The following ITFG2 variants were observed in gnomAD, a reference collection of about 807,000 sequenced individuals.
ITFG2 encodes integrin alpha FG-GAP repeat containing 2.
In ITFG2, 36 loss-of-function variants were observed where a neutral mutation model predicts 54.4. That is an observed-to-expected ratio of 0.66 (90% confidence interval 0.51 to 0.87). The LOEUF (loss-of-function observed/expected upper bound fraction) is 0.87, where lower values mean the gene tolerates loss of function less well. Among genes scored for constraint, ITFG2 ranks in the 40% least tolerant of loss-of-function variants. The pLI is 0.00. For synonymous variants in ITFG2, 211 were observed against 225.4 expected (o/e 0.94, Z 0.57); for missense variants, 524 against 576.7 (o/e 0.91, Z 0.94).
intron 1 of ITFG2, among the ~76,000 whole-genome samples, chr12:2,837,671 A>T (rs535501372): frequency 1.3e-5 from 2 of 152,138 alleles, no homozygotes; most frequent in South Asian, 4.1e-4. Context: ...AACAAAACAA[A>T]ATTAAAAATT....
downstream of ITFG2, chr12:2,827,279 G>C (rs758577071): frequency 1.2e-6 from 2 of 1,613,824 alleles, no homozygotes; most frequent in African/African-American, 2.7e-5. This position sits in a 1 kb window ranked among gnomAD's most constrained non-coding sequence, Gnocchi z 4.0. Flanking sequence ...GCAGCACTCC[G>C]TGCTCCAGGT....
chr12:2,830,538 C>G (rs1459055562), intron 2 of ITFG2: 2 of 620,746 alleles, frequency 3.2e-6, no homozygotes, highest in East Asian at 3.1e-5. Flanking sequence ...GGAGACATGG[C>G]TTGGGGCAGG....
intron 3 of ITFG2, chr12:2,859,027 G>A: frequency 1.9e-6 from 3 of 1,611,082 alleles, no homozygotes; most frequent in Non-Finnish European, 2.5e-6. Context: ...CTGAAATCCA[G>A]TCCCCCTACT....
chr12:2,855,192 G>A (rs1344266885), intron 2 of ITFG2: 1 of 1,508,216 alleles, frequency 6.6e-7, no homozygotes, highest in Non-Finnish European at 8.9e-7. Flanking sequence ...CAGGCTGGGT[G>A]GGGAAGGTGG....
intron 3 of ITFG2, chr12:2,858,530 G>A: frequency 7.5e-6 from 7 of 928,528 alleles, no homozygotes; most frequent in Non-Finnish European, 1.1e-5. Context: ...GAGCTATGAG[G>A]AGCAGAACAG....
intron 3 of ITFG2, chr12:2,859,004 G>A (rs944297456): frequency 6.2e-7 from 1 of 1,612,982 alleles, no homozygotes; most frequent in African/African-American, 1.3e-5. Flanking sequence ...CACCCTGGGA[G>A]GTTTGTACTG....
intron 2 of ITFG2, among the ~76,000 whole-genome samples, chr12:2,854,178 A>C (rs1425912882): frequency 1.3e-5 from 2 of 151,968 alleles, no homozygotes; most frequent in Non-Finnish European, 1.5e-5. Flanking sequence ...GGCACCCATC[A>C]CCACACCCGG....
intron 2 of ITFG2, chr12:2,849,660 G>T: frequency 1.0e-6 from 1 of 973,052 alleles, no homozygotes; most frequent in Non-Finnish European, 1.5e-6. Context: ...AATCCCTTCT[G>T]TCTCTCCACC....
intron 1 of ITFG2, among the ~76,000 whole-genome samples, chr12:2,815,003 C>A (rs1256248473): frequency 2.0e-5 from 3 of 149,042 alleles, no homozygotes; most frequent in African/African-American, 7.4e-5. Flanking sequence ...GACGGAGTTT[C>A]ACTCTTATTG....
rs780179027 is a variant in ITFG2, at chr12:2,855,222, G to C, written n.301-2790G>C. 7.3e-5 allele frequency: 110 copies of C among 1,505,808 alleles called. 1 individual carries two copies. The highest frequency in any genetic ancestry group is 6.8e-4 in the Middle Eastern group (4 of 5,842). The allele number at this position is 1,505,808 out of a possible 1,614,324, so 93.3% of individuals were successfully genotyped here. ...AGGTGGCAGGCAGACGGCACACATC[G>C]AGCCACGTGTGAAAGCCCCAGGTGT... On this transcript the variant is annotated intron_variant and non_coding_transcript_variant, in intron 2 of 3. Transcript: ENST00000537710.
rs1323934707 is a variant in ITFG2 at position 2,817,298 on chromosome 12, A to T, written c.172A>T (p.Thr58Ser). The T allele has an allele frequency of 1.9e-6, 3 of 1,613,368 alleles. No homozygotes were observed. Among genetic ancestry groups the T allele is most frequent in the Non-Finnish European group, 2.5e-6 (3 of 1,179,594 alleles). ...AAATGATGACAGTCGGCCATGGCTCACCTGTTCCTGCCAGGGAATGGTCAG... is the reference window on the plus strand; with the variant it reads ...AAATGATGACAGTCGGCCATGGCTCTCCTGTTCCTGCCAGGGAATGGTCAG... ...YKNDDSRPWL[T>S]CSCQGMLTCV... The change falls in exon 2 of 12, where the codon ACC becomes TCC. Residue 58 changes from threonine (T) to serine (S), a missense_variant. Transcript: ENST00000228799.
At chr12:2,849,370 G>T (rs748387415) in intron 2 of ITFG2, 1 of 1,536,178 alleles carries the variant, frequency 6.5e-7, no homozygotes, top group African/African-American at 1.4e-5. Flanking sequence ...GCTCAGGGGC[G>T]CGCTGGGCAG....
At chr12:2,851,422 A>G (rs1050838323) in intron 2 of ITFG2, among the ~76,000 whole-genome samples, 1 of 152,100 alleles carries the variant, frequency 6.6e-6, no homozygotes, top group Non-Finnish European at 1.5e-5. Flanking sequence ...GGCTCACTGC[A>G]ACCTCCACCT....
At chr12:2,814,137 G>T (rs1469624833) in intron 1 of ITFG2, among the ~76,000 whole-genome samples, 3 of 152,048 alleles carry the variant, frequency 2.0e-5, no homozygotes, top group Admixed American at 6.6e-5. Flanking sequence ...TAGAGATGAG[G>T]TCTCACTGTG....
At chr12:2,823,637 T>G in intron 10 of ITFG2, 133 bp from the exon 11 acceptor site, 1 of 1,116,556 alleles carries the variant, frequency 9.0e-7, no homozygotes, top group South Asian at 2.1e-5. Context: ...AGAGAAGAAA[T>G]AACCTTTAAT....
intron 2 of ITFG2, among the ~76,000 whole-genome samples, chr12:2,853,190 A>G (rs913957581): frequency 3.3e-5 from 5 of 152,212 alleles, no homozygotes; most frequent in Admixed American, 6.5e-5. Context: ...GCAACTGGCA[A>G]TCTTCAGGGC....
chr12:2,833,818 A>G (rs142350842), upstream of ITFG2, among the ~76,000 whole-genome samples: 279 of 152,280 alleles, frequency 1.8e-3, 1 homozygote, highest in African/African-American at 6.4e-3. Context: ...TCTCCCAACA[A>G]TCCTATGATT....
chr12:2,855,465 G>A (rs1236617596), intron 2 of ITFG2: 60 of 1,407,878 alleles, frequency 4.3e-5, no homozygotes, highest in Non-Finnish European at 5.1e-5. Flanking sequence ...AGACAAAAGG[G>A]AGCCTGGGGA....
rs1049655330 is a variant in ITFG2, at chr12:2,855,458, C to G, written n.301-2554C>G. 5.7e-6 allele frequency: 8 copies of G among 1,413,086 alleles called. No individual in the cohort carries two copies. The East Asian group carries it at 1.8e-4, about 32-fold the overall frequency. The allele number at this position is 1,413,086 out of a possible 1,614,324, so 87.5% of individuals were successfully genotyped here. On this transcript the variant is annotated intron_variant and non_coding_transcript_variant, in intron 2 of 3. Coordinates refer to the ITFG2 transcript ENST00000537710. ...CTGGCCTGGACCATCTAGGGAGAGA[C>G]AAAAGGGAGCCTGGGGAAGGTTGTG...
Sources: allele counts gnomAD v4.1 joint callset (sites outside exome capture counted in the v4.1 genomes callset), GRCh38; gene constraint gnomAD v4.1.1; non-coding constraint Gnocchi (gnomAD v3.1); transcripts MANE v1.5; gene names NCBI Gene and HGNC (gene_info 2026-07-23, HGNC 2026-07-21).